Variants in ERC1 observed in about 807,000 individuals in gnomAD.
ERC1 encodes the protein ELKS/RAB6-interacting/CAST family member 1.
In ERC1, 56 loss-of-function variants were observed where a neutral mutation model predicts 132.0. The ratio of observed to expected loss-of-function variants is 0.42; its 90% confidence interval spans 0.34 to 0.53. ERC1 has a LOEUF of 0.53. Ranked by LOEUF, ERC1 falls within the 20% of genes least tolerant of loss-of-function variation. ERC1 has a pLI of 0.03. For missense variants in ERC1, 1,202 were observed against 1,349.9 expected, an observed-to-expected ratio of 0.89 and a Z score of 1.72; for synonymous variants, 478 against 476.1, an observed-to-expected ratio of 1.00 and a Z score of -0.05.
At chr12:1,099,750 C>A (rs1371222379) in intron 3 of ERC1, among the ~76,000 whole-genome samples, 1 of 148,524 alleles carries the variant, frequency 6.7e-6, no homozygotes, top group African/African-American at 2.5e-5. Flanking sequence ...AAAAGTAGAT[C>A]TTGGTTAGGG....
intron 15 of ERC1, among the ~76,000 whole-genome samples, chr12:1,297,538 CAAA>C (rs34023344): frequency 3.7e-5 from 3 of 80,542 alleles, no homozygotes; most frequent in African/African-American, 9.1e-5. Context: ...CCTGTTTCTA[CAAA>C]AAAAAAAAAA....
chr12:1,103,803 G>A (rs1944937602), intron 3 of ERC1, among the ~76,000 whole-genome samples: 1 of 152,168 alleles, frequency 6.6e-6, no homozygotes, highest in Non-Finnish European at 1.5e-5. Context: ...CTCCCAAAGT[G>A]CTGGGATTAC....
intron 1 of ERC1, among the ~76,000 whole-genome samples, chr12:1,015,194 G>C (rs1442682188): frequency 6.6e-6 from 1 of 151,732 alleles, no homozygotes; most frequent in Non-Finnish European, 1.5e-5. Flanking sequence ...TGAGTAACTG[G>C]TACTACAGGC....
chr12:1,192,554 G>A (rs571325689), intron 12 of ERC1, among the ~76,000 whole-genome samples: 61 of 152,116 alleles, frequency 4.0e-4, no homozygotes, highest in Middle Eastern at 3.4e-3. Context: ...GGTTTTTGGC[G>A]TCTGTGTGTT....
chr12:1,290,102 C>CAAT, intron 15 of ERC1, 90 bp downstream of exon 15: 1 of 1,111,870 alleles, frequency 9.0e-7, no homozygotes, highest in South Asian at 1.5e-5. Context: ...TGTTTTACCC[C>CAAT]AATACACTTA....
intron 17 of ERC1, chr12:1,410,571 C>T: frequency 3.4e-6 from 1 of 298,270 alleles, no homozygotes; most frequent in Non-Finnish European, 6.3e-6. Context: ...GGTGTGCTTT[C>T]TGTTTTTTTA....
chr12:1,475,756 A>G (rs2093957671), intron 18 of ERC1, among the ~76,000 whole-genome samples: 1 of 152,204 alleles, frequency 6.6e-6, no homozygotes, highest in South Asian at 2.1e-4. Context: ...CTCTTACACC[A>G]GGGTTGAAGT....
rs549528431 is a variant in ERC1, at chr12:1,264,425, G to A, written c.2619+1260G>A. On this transcript the variant is annotated intron_variant, in intron 14 of 18. Coordinates refer to ENST00000360905, the MANE Select transcript of ERC1 (RefSeq NM_178040.4). ...CGCCTGTAATCCCAGCACTTTGGGA[G>A]GCCGAGGCGGGCGGATCACTTGAGG... 4.6e-5 allele frequency among the ~76,000 whole-genome samples: 7 copies of A among 152,320 alleles called. No individual in the cohort carries two copies. In the East Asian group the frequency reaches 1.2e-3, roughly 25 times the overall value.
chr12:1,044,197 C>T (rs888941409), intron 2 of ERC1, among the ~76,000 whole-genome samples: 19 of 152,142 alleles, frequency 1.2e-4, no homozygotes, highest in Admixed American at 4.6e-4. Context: ...AGTATTTAAG[C>T]GTTTTGAATG....
chr12:1,424,153 CTG>C (rs1388414984), intron 17 of ERC1, among the ~76,000 whole-genome samples: 1 of 152,080 alleles, frequency 6.6e-6, no homozygotes, highest in African/African-American at 2.4e-5. Flanking sequence ...CCAAGGTTGA[CTG>C]AGCGTTGGTC....
intron 2 of ERC1, among the ~76,000 whole-genome samples, chr12:1,062,160 T>C (rs930937922): frequency 6.6e-6 from 1 of 151,996 alleles, no homozygotes. Flanking sequence ...ATTTTTTATA[T>C]TTTTAGTAGA....
chr12:1,172,911 G>A (rs1415212371), intron 8 of ERC1, among the ~76,000 whole-genome samples: 1 of 152,132 alleles, frequency 6.6e-6, no homozygotes, highest in African/African-American at 2.4e-5. Context: ...GAATAACGTC[G>A]TGGTCCTGAA....
At chr12:1,270,848 A>G (rs113811600) in intron 14 of ERC1, among the ~76,000 whole-genome samples, 32 of 152,116 alleles carry the variant, frequency 2.1e-4, no homozygotes, top group African/African-American at 7.5e-4. Flanking sequence ...GCACAAAGTA[A>G]ATTACATTAG....
At chr12:1,374,392 C>A (rs2154375502) in intron 16 of ERC1, among the ~76,000 whole-genome samples, 1 of 152,268 alleles carries the variant, frequency 6.6e-6, no homozygotes, top group East Asian at 1.9e-4. Context: ...GCCCCCCCAC[C>A]CCCTACAGGG....
chr12:1,144,092 A>G (rs552413155), intron 8 of ERC1, among the ~76,000 whole-genome samples: 1 of 152,226 alleles, frequency 6.6e-6, no homozygotes, highest in African/African-American at 2.4e-5. Flanking sequence ...TCTGTGTACC[A>G]CACTACATGA....
At chr12:1,289,621 T>A (rs1233943468) in intron 14 of ERC1, among the ~76,000 whole-genome samples, 1 of 152,232 alleles carries the variant, frequency 6.6e-6, no homozygotes, top group Non-Finnish European at 1.5e-5. Context: ...CTTGCATGTA[T>A]TAAGTTCTTT....
chr12:1,258,601 ACTT>A (rs58679700), intron 13 of ERC1, among the ~76,000 whole-genome samples: 3,194 of 152,308 alleles, frequency 0.021, 60 homozygotes, highest in South Asian at 0.058. Flanking sequence ...GACAACTGTC[ACTT>A]CTTCAACTCA....
At chr12:1,397,244 G>A (rs1296978219) in intron 16 of ERC1, among the ~76,000 whole-genome samples, 2 of 152,170 alleles carry the variant, frequency 1.3e-5, no homozygotes, top group Non-Finnish European at 2.9e-5. Context: ...AGGCAGTTTG[G>A]CAATATGTAG....
At chr12:1,328,792 A>G (rs1175580439) in intron 15 of ERC1, among the ~76,000 whole-genome samples, 1 of 151,954 alleles carries the variant, frequency 6.6e-6, no homozygotes, top group Non-Finnish European at 1.5e-5. Flanking sequence ...ACCATGGATT[A>G]AAATATCTGT....
Sources: gnomAD v4.1 joint callset for allele counts (sites outside exome capture counted in the v4.1 genomes callset) on GRCh38, gnomAD v4.1.1 for gene constraint, MANE v1.5 for transcripts, NCBI Gene and HGNC (gene_info 2026-07-23, HGNC 2026-07-21) for gene names.